SHANK1: variants seen among roughly 807,000 people sequenced by gnomAD.
SHANK1 encodes SH3 and multiple ankyrin repeat domains 1.
A neutral mutation model predicts 165.6 loss-of-function variants in SHANK1; 35 were observed. The ratio of observed to expected loss-of-function variants is 0.21; its 90% confidence interval spans 0.16 to 0.28. The LOEUF (loss-of-function observed/expected upper bound fraction) is 0.28. SHANK1 is among the 10% of genes least tolerant of loss of function. The pLI is 1.00. For missense variants in SHANK1, 2,681 were observed against 3,036.4 expected (o/e 0.88, Z 2.75); for synonymous variants, 1,428 against 1,384.8 (o/e 1.03, Z -0.69).
intron 21 of SHANK1, among the ~76,000 whole-genome samples, chr19:50,680,187 C>T (rs1049795598): frequency 2.4e-4 from 36 of 150,964 alleles, no homozygotes; most frequent in African/African-American, 8.5e-4. Flanking sequence ...AGGCGAAGAG[C>T]GACAGACAGA....
Position 50,702,598 on chromosome 19 carries a change from C to T in SHANK1, c.1616G>A (p.Gly539Asp), listed in dbSNP as rs759377133. Residue 539 changes from glycine to aspartate, a missense_variant, in exon 12 of 24, where the codon GGC becomes GAC. Gly to Asp is a moderately conservative substitution (Grantham distance 94, BLOSUM62 -1). Transcript: ENST00000293441. The surrounding 1 kb of genome is among the most constrained non-coding windows in gnomAD (Gnocchi z 5.3). ...GGTGGSGGPG[G>D]SLGSRGRRRK... ...CCGCCTCCCGCGGCTGCCCAGGGAG[C>T]CCCCGGGGCCCCCTGAGCCCCCCGT... 2 of 1,597,312 alleles carry T rather than the reference C, an allele frequency of 1.3e-6. No individual in the cohort carries two copies. Among genetic ancestry groups the T allele is most frequent in the East Asian group, 2.3e-5 (1 of 44,158 alleles).
At position 50,661,964 on chromosome 19, in the gene SHANK1, A is replaced by G; in HGVS notation, c.*1T>C. On this transcript the variant is annotated 3_prime_UTR_variant, in exon 24 of 24. Transcript: ENST00000293441. ...CGGGGCTGGTCCGTCCAGGCCAGCC[A>G]TCACCTCTCCAGGAAGAATTTGAGA... The G allele has an allele frequency of 6.2e-7, 1 of 1,613,830 alleles. No individual in the cohort carries two copies. The highest frequency in any genetic ancestry group is 8.5e-7 in the Non-Finnish European group (1 of 1,180,018).
rs902614594 is a variant in SHANK1, at chr19:50,719,002, C to T, written c.-44+404G>A. Reference sequence around the variant, plus strand: ...GGCGGAGGAGGCCCGGGCCTAGACCCTCGCTGGAGGGGAGTGGGGACCAGG... The same window carrying T: ...GGCGGAGGAGGCCCGGGCCTAGACCTTCGCTGGAGGGGAGTGGGGACCAGG... On this transcript the variant is annotated intron_variant, in intron 1 of 23. Coordinates refer to ENST00000293441, the MANE Select transcript of SHANK1 (RefSeq NM_016148.5). Among the ~76,000 whole-genome samples, 3 of 151,046 alleles carry T rather than the reference C, an allele frequency of 2.0e-5. No individual in the cohort carries two copies. In the South Asian group the frequency reaches 6.3e-4, roughly 32 times the overall value.
intron 21 of SHANK1, among the ~76,000 whole-genome samples, chr19:50,673,537 G>A (rs886867607): frequency 1.3e-5 from 2 of 151,982 alleles, no homozygotes; most frequent in South Asian, 2.1e-4. Context: ...CCCCTACCCA[G>A]ACTGCACTTC....
intron 21 of SHANK1, among the ~76,000 whole-genome samples, chr19:50,678,786 G>A (rs1227913051): frequency 2.2e-4 from 10 of 44,614 alleles, no homozygotes; most frequent in Non-Finnish European, 3.0e-4. Flanking sequence ...GGAGGGGTCA[G>A]GGTGATGGGG....
At chr19:50,705,636 C>A (rs1304265449) in intron 8 of SHANK1, among the ~76,000 whole-genome samples, 1 of 152,094 alleles carries the variant, frequency 6.6e-6, no homozygotes, top group African/African-American at 2.4e-5. Flanking sequence ...AGTAGCACTC[C>A]CCTCCCCAGT....
chr19:50,716,779 T>C lies in SHANK1; in HGVS notation c.141A>G (p.Ala47=), dbSNP rs749506250. 7 of 1,605,380 alleles carry C rather than the reference T, an allele frequency of 4.4e-6. No individual in the cohort carries two copies. In the African/African-American group the frequency reaches 8.1e-5, roughly 19 times the overall value. The change falls in exon 2 of 24, where the codon GCA becomes GCG. Residue 47 remains alanine, a synonymous_variant. Coordinates refer to ENST00000293441, the MANE Select transcript of SHANK1 (RefSeq NM_016148.5). The surrounding 1 kb of genome is among the most constrained non-coding windows in gnomAD (Gnocchi z 8.4). The part of the protein sequence containing the change: ...PRGTRGQGSG[A]PGSLASVRGL... Reference sequence around the variant, plus strand: ...CTCTAACAGAGGCCAGGCTACCAGGTGCCCCACTGCCCTGGCCCCGGGTCC... The same window carrying C: ...CTCTAACAGAGGCCAGGCTACCAGGCGCCCCACTGCCCTGGCCCCGGGTCC...
chr19:50,687,100 G>T (rs1420002862), intron 19 of SHANK1: 5 of 1,275,342 alleles, frequency 3.9e-6, no homozygotes, highest in Non-Finnish European at 3.1e-6. Flanking sequence ...GAAGGTGAGG[G>T]GCCCCCTGTC....
intron 21 of SHANK1, among the ~76,000 whole-genome samples, chr19:50,677,004 T>C (rs550741310): frequency 5.9e-5 from 9 of 152,310 alleles, no homozygotes; most frequent in African/African-American, 1.4e-4. Context: ...AGCAGCAATT[T>C]TGGACTATGA....
In SHANK1 at chr19:50,687,699, G is replaced by C; in HGVS notation, c.2309-37C>G. The C allele has an allele frequency of 2.8e-6, 4 of 1,444,788 alleles. No homozygotes were observed. The South Asian group carries it at 5.8e-5, about 21-fold the overall frequency. The allele number at this position is 1,444,788 out of a possible 1,614,324, so 89.5% of individuals were successfully genotyped here. A position where few individuals can be genotyped will look rare whatever the true frequency, so the allele number is the denominator to read the frequency against. On this transcript the variant is annotated intron_variant, in intron 18 of 23. Transcript: ENST00000293441. ...ATGAGGGGAGGCATCAGTATCATGG[G>C]GGAGATGCCCCCACCACCCTCTACC...
chr19:50,710,260 C>T (rs1315708386), intron 8 of SHANK1, among the ~76,000 whole-genome samples: 1 of 152,230 alleles, frequency 6.6e-6, no homozygotes, highest in East Asian at 1.9e-4. Flanking sequence ...CTTCCCTGGG[C>T]TCCAGGCATA....
intron 4 of SHANK1, 34 bp from the exon 5 acceptor site, chr19:50,714,324 A>C (rs1599874265): frequency 1.9e-6 from 3 of 1,591,150 alleles, no homozygotes; most frequent in Non-Finnish European, 2.6e-6. Flanking sequence ...AAGACAGGAC[A>C]GTCAGGAGCA....
At position 50,716,312 on chromosome 19, in the gene SHANK1, T is replaced by A; in HGVS notation, c.422A>T (p.Tyr141Phe). The A allele has an allele frequency of 1.2e-6, 2 of 1,614,050 alleles. No homozygotes were observed. Among genetic ancestry groups the A allele is most frequent in the Non-Finnish European group, 1.7e-6 (2 of 1,179,990 alleles). ...GACCCCCTTCTCAAAGGACTGGGGG[T>A]ACTCCCGCAGCAGCCTCTCCTCCTC... The part of the protein sequence containing the change: ...FLEEERLLRE[Y>F]PQSFEKGVPY... Residue 141 changes from tyrosine to phenylalanine, a missense_variant, in exon 3 of 24, where the codon TAC (tyrosine) becomes TTC (phenylalanine). Tyr to Phe is a conservative substitution (Grantham distance 22). Coordinates refer to ENST00000293441, the MANE Select transcript of SHANK1 (RefSeq NM_016148.5). This position sits in a 1 kb window ranked among gnomAD's most constrained non-coding sequence, Gnocchi z 8.4.
intron 21 of SHANK1, among the ~76,000 whole-genome samples, chr19:50,683,463 C>A (rs1199338892): frequency 6.6e-6 from 1 of 152,174 alleles, no homozygotes. Context: ...TCACATCCAA[C>A]TCCTGGCCAC....
At chr19:50,698,274 T>C (rs1173901078) in intron 12 of SHANK1, among the ~76,000 whole-genome samples, 1 of 152,076 alleles carries the variant, frequency 6.6e-6, no homozygotes, top group East Asian at 1.9e-4. Flanking sequence ...GTTGTGTAAT[T>C]CCCCTTCACC....
intron 15 of SHANK1, among the ~76,000 whole-genome samples, chr19:50,693,803 C>A (rs113468771): frequency 0.012 from 1,852 of 152,246 alleles, 21 homozygotes; most frequent in South Asian, 0.018. Flanking sequence ...AGCACACGTG[C>A]CCCACATGGG....
chr19:50,696,242 G>A (rs1427770133), intron 15 of SHANK1, among the ~76,000 whole-genome samples: 1 of 152,198 alleles, frequency 6.6e-6, no homozygotes, highest in Admixed American at 6.5e-5. Context: ...ACAAGAAGCA[G>A]AGGCCGACAT....
intron 12 of SHANK1, among the ~76,000 whole-genome samples, chr19:50,698,340 T>A (rs1044346625): frequency 6.6e-6 from 1 of 152,080 alleles, no homozygotes; most frequent in Non-Finnish European, 1.5e-5. Flanking sequence ...TACCTCACCC[T>A]CCCATCACTG....
At position 50,686,866 on chromosome 19, in the gene SHANK1, G is replaced by T; in HGVS notation, c.2390-54C>A. On this transcript the variant is annotated intron_variant, in intron 19 of 23. Transcript: ENST00000293441. The surrounding 1 kb of genome is among the most constrained non-coding windows in gnomAD (Gnocchi z 5.7). ...AGGGAGCCCCCGGGGGCGGGGCGGAGCGGGCTCGGCCTGTGGGCGTGGCCA... is the reference window on the plus strand; with the variant it reads ...AGGGAGCCCCCGGGGGCGGGGCGGATCGGGCTCGGCCTGTGGGCGTGGCCA... 6.2e-7 allele frequency: 1 copy of T among 1,604,752 alleles called. No individual in the cohort carries two copies. The highest frequency in any genetic ancestry group is 8.5e-7 in the Non-Finnish European group (1 of 1,173,386).
Sources: gnomAD v4.1 joint callset for allele counts (sites outside exome capture counted in the v4.1 genomes callset) on GRCh38, gnomAD v4.1.1 for gene constraint, Gnocchi (gnomAD v3.1) non-coding constraint, MANE v1.5 for transcripts, NCBI Gene and HGNC (gene_info 2026-07-23, HGNC 2026-07-21) for gene names.